The following RPA1 variants were observed in gnomAD, a reference collection of about 807,000 sequenced individuals.
RPA1 encodes replication protein A 70 kDa DNA-binding subunit.
In RPA1, 49 loss-of-function variants were observed where a neutral mutation model predicts 83.0. That is an observed-to-expected ratio of 0.59 (90% CI 0.47 to 0.75). The LOEUF (loss-of-function observed/expected upper bound fraction) is 0.75. Among genes scored for constraint, RPA1 ranks in the 30% least tolerant of loss-of-function variants. The pLI is 0.00. For missense variants in RPA1, 693 were observed against 776.1 expected (o/e 0.89, Z 1.27); for synonymous variants, 279 against 281.8 (o/e 0.99, Z 0.10).
chr17:1,853,207 A>G lies in RPA1; in HGVS notation c.361+18A>G. 1 of 1,583,058 alleles carries G rather than the reference A, an allele frequency of 6.3e-7. No homozygotes were observed. The highest frequency in any genetic ancestry group is 8.7e-7 in the Non-Finnish European group (1 of 1,151,662). ...TAATGAAGGTAAAATGCTTTGGCGT[A>G]GGTTGTAGCACTCAAATGAATACCT... On this transcript the variant is annotated intron_variant, in intron 5 of 16. Transcript: ENST00000254719.
At chr17:1,843,814 A>C in intron 2 of RPA1, 106 bp from the exon 3 acceptor site, 1 of 785,160 alleles carries the variant, frequency 1.3e-6, no homozygotes, top group Non-Finnish European at 2.1e-6. Context: ...ATGGGCAAAC[A>C]GTTTGTGTTG....
chr17:1,846,012 TA>T (rs1912242932), intron 4 of RPA1, among the ~76,000 whole-genome samples: 6 of 152,232 alleles, frequency 3.9e-5, no homozygotes, highest in Admixed American at 3.9e-4. Context: ...ATTAGTTTTT[TA>T]AATTCTGTTA....
At position 1,845,425 on chromosome 17, in the gene RPA1, A is replaced by G. The variant is rs750345241; in HGVS notation, c.272+739A>G. Among the ~76,000 whole-genome samples the G allele has an allele frequency of 7.9e-4, 120 of 152,052 alleles. 1 individual carries two copies. The highest frequency in any genetic ancestry group is 1.2e-3 in the Non-Finnish European group (82 of 67,982). On this transcript the variant is annotated intron_variant, in intron 4 of 16. Transcript: ENST00000254719. ...GGCGGCACACGCTACAGTCCTAGCT[A>G]CATGGGAGGCTGAAGTGGGAGGATT...
chr17:1,859,005 C>A (rs1451666770), intron 5 of RPA1, among the ~76,000 whole-genome samples: 1 of 151,324 alleles, frequency 6.6e-6, no homozygotes, highest in African/African-American at 2.4e-5. Flanking sequence ...CAGGTTCAAG[C>A]GATTCTCCTA....
intron 8 of RPA1, among the ~76,000 whole-genome samples, chr17:1,877,779 G>A (rs760645878): frequency 6.6e-5 from 10 of 152,296 alleles, no homozygotes; most frequent in East Asian, 1.9e-4. Context: ...TTGTGACCTC[G>A]ATATGGGAGT....
chr17:1,841,598 A>C (rs117779485), intron 1 of RPA1, among the ~76,000 whole-genome samples: 4,960 of 152,234 alleles, frequency 0.033, 120 homozygotes, highest in Non-Finnish European at 0.049. Context: ...TTGCCCAGCC[A>C]GTTCCTTTTT....
rs889501413 is a variant in RPA1, at chr17:1,884,744, C to T, written c.1374+800C>T. Among the ~76,000 whole-genome samples, 27 of 152,192 alleles carry T rather than the reference C, an allele frequency of 1.8e-4. No individual in the cohort carries two copies. Among genetic ancestry groups the T allele is most frequent in the African/African-American group, 6.0e-4 (25 of 41,434 alleles). ...TCCTGTCATGGGACACCCACTCTTT[C>T]GGTTCTCTGTAATCCCAGCTACCCA... On this transcript the variant is annotated intron_variant, in intron 13 of 16. Coordinates refer to ENST00000254719, the MANE Select transcript of RPA1 (RefSeq NM_002945.5). The surrounding 1 kb of genome is among the most constrained non-coding windows in gnomAD (Gnocchi z 4.1).
At chr17:1,833,156 G>T (rs1179421964) in intron 1 of RPA1, among the ~76,000 whole-genome samples, 1 of 143,994 alleles carries the variant, frequency 6.9e-6, no homozygotes, top group African/African-American at 2.5e-5. Flanking sequence ...TGAACTCCTG[G>T]CCTCGAGATC....
At chr17:1,894,915 A>G in intron 15 of RPA1, 94 bp from the exon 16 acceptor site, 1 of 913,592 alleles carries the variant, frequency 1.1e-6, no homozygotes, top group South Asian at 1.5e-5. Flanking sequence ...ACTACCCAGG[A>G]GATGCATTTT....
At chr17:1,849,716 T>C (rs1247153087) in intron 4 of RPA1, among the ~76,000 whole-genome samples, 4 of 152,120 alleles carry the variant, frequency 2.6e-5, no homozygotes, top group African/African-American at 9.7e-5. Flanking sequence ...GGAAATGCTT[T>C]TGGTTTCACT....
intron 2 of RPA1, among the ~76,000 whole-genome samples, chr17:1,843,358 C>T (rs1042757384): frequency 6.6e-5 from 10 of 151,794 alleles, no homozygotes; most frequent in Admixed American, 4.0e-4. Flanking sequence ...GCACCACACG[C>T]GCCGTGGGTC....
intron 4 of RPA1, among the ~76,000 whole-genome samples, chr17:1,848,478 GCACA>G (rs1912350257): frequency 6.6e-6 from 1 of 151,674 alleles, no homozygotes; most frequent in Admixed American, 6.6e-5. Flanking sequence ...GGGCATGGTG[GCACA>G]TGCCTGTAAT....
Position 1,832,638 on chromosome 17 carries a change from C to T in RPA1, c.33+2512C>T, listed in dbSNP as rs183735432. On this transcript the variant is annotated intron_variant, in intron 1 of 16. Transcript: ENST00000254719. ...CTGACCTCAAGCAATCCACCTGCTT[C>T]GGCCTCCCAGAGTGCTGGGATTACA... 1.8e-3 allele frequency among the ~76,000 whole-genome samples: 267 copies of T among 152,198 alleles called. 4 individuals are homozygous for T. The highest frequency in any genetic ancestry group is 0.016 in the Admixed American group (244 of 15,286).
chr17:1,851,894 G>C (rs1912510140), intron 4 of RPA1, among the ~76,000 whole-genome samples: 1 of 152,146 alleles, frequency 6.6e-6, no homozygotes, highest in South Asian at 2.1e-4. Flanking sequence ...CCAAATTATA[G>C]CAGTCAGACC....
At chr17:1,860,947 G>T (rs12943099) in intron 5 of RPA1, among the ~76,000 whole-genome samples, 85,525 of 152,024 alleles carry the variant, frequency 0.56, 26,049 homozygotes, top group Non-Finnish European at 0.69. Context: ...TAGTCTAGGT[G>T]TAGTTATTCC....
chr17:1,848,278 A>G (rs566778022), intron 4 of RPA1, among the ~76,000 whole-genome samples: 2 of 152,248 alleles, frequency 1.3e-5, no homozygotes, highest in Non-Finnish European at 2.9e-5. Flanking sequence ...AGTGTTTGCC[A>G]TTAAGCTTGT....
intron 1 of RPA1, among the ~76,000 whole-genome samples, chr17:1,840,924 A>G (rs1268673024): frequency 6.6e-6 from 1 of 152,066 alleles, no homozygotes; most frequent in Non-Finnish European, 1.5e-5. Flanking sequence ...AAAATTAGCC[A>G]GGTGTGGTGG....
chr17:1,831,229 A>G (rs755488087), intron 1 of RPA1, among the ~76,000 whole-genome samples: 1 of 152,192 alleles, frequency 6.6e-6, no homozygotes, highest in Non-Finnish European at 1.5e-5. Flanking sequence ...CAAATTCTTT[A>G]TCTTTCTAAG....
chr17:1,849,336 AGGCTGGAG>A (rs1912388594), intron 4 of RPA1, among the ~76,000 whole-genome samples: 1 of 129,060 alleles, frequency 7.7e-6, no homozygotes, highest in Non-Finnish European at 1.5e-5. Context: ...TCTGTCTCTC[AGGCTGGAG>A]TGCAGTGGTG....
Sources: allele counts gnomAD v4.1 joint callset (sites outside exome capture counted in the v4.1 genomes callset), GRCh38; gene constraint gnomAD v4.1.1; non-coding constraint Gnocchi (gnomAD v3.1); transcripts MANE v1.5; gene names NCBI Gene and HGNC (gene_info 2026-07-23, HGNC 2026-07-21).